Variants in ASCC3 observed in about 807,000 individuals in gnomAD.
ASCC3 encodes ASC-1 complex subunit P200.
A neutral mutation model predicts 256.3 loss-of-function variants in ASCC3; 158 were observed. The ratio of observed to expected loss-of-function variants is 0.62; its 90% CI spans 0.54 to 0.70. The LOEUF is 0.70. Ranked by LOEUF, ASCC3 falls within the 30% of genes least tolerant of loss-of-function variation. The probability of loss-of-function intolerance (pLI) is 0.00; values close to 1 mark genes in which losing one functional copy is unlikely to be tolerated. For synonymous variants in ASCC3, 948 were observed against 883.4 expected, an observed-to-expected ratio of 1.07 and a Z score of -1.30; for missense variants, 2,259 against 2,626.0, an observed-to-expected ratio of 0.86 and a Z score of 3.05.
chr6:100,805,191 A>G (rs1770111434), intron 5 of ASCC3, among the ~76,000 whole-genome samples: 1 of 152,164 alleles, frequency 6.6e-6, no homozygotes, highest in South Asian at 2.1e-4. Context: ...TTAATTAATC[A>G]TGACTATATG....
At chr6:100,878,251 A>C (rs975260960) in intron 1 of ASCC3, among the ~76,000 whole-genome samples, 1 of 152,228 alleles carries the variant, frequency 6.6e-6, no homozygotes, top group Non-Finnish European at 1.5e-5. Context: ...TACAAAATAT[A>C]TAATGGTTAA....
chr6:100,651,492 G>T, intron 19 of ASCC3, 68 bp downstream of exon 19: 6 of 872,940 alleles, frequency 6.9e-6, no homozygotes, highest in Non-Finnish European at 1.1e-5. Context: ...GTATTAATGA[G>T]AACCTTTTAT....
chr6:100,767,909 C>A (rs1056693720), intron 8 of ASCC3, among the ~76,000 whole-genome samples: 6 of 152,104 alleles, frequency 3.9e-5, no homozygotes, highest in Middle Eastern at 3.4e-3. Context: ...AGCCACCGCA[C>A]CCGGCCAGAA....
rs549219551 is a variant in ASCC3, at chr6:100,517,335, A to G, written c.5927+656T>C. Among the ~76,000 whole-genome samples the G allele has an allele frequency of 5.3e-5, 8 of 152,248 alleles. No homozygotes were observed. In the South Asian group the frequency reaches 1.5e-3, roughly 28 times the overall value. ...CGGCCAGATTGTTTTGCTTGTCTAC[A>G]TGACTGTGAACCAATATTTTGGCTG... On this transcript the variant is annotated intron_variant, in intron 38 of 41. Coordinates refer to ENST00000369162, the MANE Select transcript of ASCC3 (RefSeq NM_006828.4).
intron 1 of ASCC3, among the ~76,000 whole-genome samples, chr6:100,873,409 G>A (rs577653611): frequency 1.7e-3 from 254 of 152,228 alleles, no homozygotes; most frequent in Non-Finnish European, 2.4e-3. Flanking sequence ...AATAGTCAGC[G>A]TTCCTGAGGA....
At chr6:100,833,605 A>G (rs1771727642) in intron 4 of ASCC3, among the ~76,000 whole-genome samples, 1 of 152,192 alleles carries the variant, frequency 6.6e-6, no homozygotes, top group Non-Finnish European at 1.5e-5. Flanking sequence ...TAAATGTAAA[A>G]CTGCTCCAAA....
At chr6:100,671,295 C>T (rs1181841773) in intron 14 of ASCC3, among the ~76,000 whole-genome samples, 1 of 152,014 alleles carries the variant, frequency 6.6e-6, no homozygotes, top group African/African-American at 2.4e-5. Context: ...TCAGAAAAAT[C>T]ACTGCTTTTT....
At position 100,510,002 on chromosome 6, in the gene ASCC3, T is replaced by C. The variant is rs1352649737; in HGVS notation, c.6391A>G (p.Lys2131Glu). The change falls in exon 41 of 42, where the codon AAA (lysine) becomes GAA (glutamate). Residue 2131 changes from lysine to glutamate, a missense_variant. Lys to Glu is a moderately conservative substitution (Grantham distance 56). Around this residue, in one of 2 missense-constraint regions of ASCC3, gnomAD observed 1,839 missense variants for 2,206.7 expected, o/e 0.83. Transcript: ENST00000369162. ...TGATTTCGAATATATCCTACTCTTT[T>C]CAAAGCAATAAGTTCTCTCTTATCC... ...EVDKRELIAL[K>E]RVGYIRNHHV... The C allele has an allele frequency of 1.2e-6, 2 of 1,614,022 alleles. No individual in the cohort carries two copies. The highest frequency in any genetic ancestry group is 1.7e-6 in the Non-Finnish European group (2 of 1,179,988).
At chr6:100,813,227 G>A (rs1316491339) in intron 4 of ASCC3, among the ~76,000 whole-genome samples, 8 of 152,078 alleles carry the variant, frequency 5.3e-5, no homozygotes, top group African/African-American at 9.7e-5. Flanking sequence ...AGGCCGAAGC[G>A]GGAGGACTAC....
chr6:100,842,853 T>C (rs1297416500), intron 4 of ASCC3, among the ~76,000 whole-genome samples: 3 of 152,150 alleles, frequency 2.0e-5, no homozygotes, highest in Admixed American at 6.5e-5. Context: ...GGCATCCTTG[T>C]AGTCCTAGCT....
At chr6:100,574,451 A>AT (rs1235433046) in intron 36 of ASCC3, among the ~76,000 whole-genome samples, 3 of 151,960 alleles carry the variant, frequency 2.0e-5, no homozygotes, top group African/African-American at 7.2e-5. Flanking sequence ...TTTTTATATT[A>AT]TTTTTCCATA....
chr6:100,805,869 C>T lies in ASCC3; in HGVS notation c.813G>A (p.Leu271=). Residue 271 remains leucine (L), a synonymous_variant, in exon 5 of 42, where the codon CTG becomes CTA. Transcript: ENST00000369162. ...TAAGTTCAAGTCCTTCAGGTCCCAG[C>T]AGTTCAAATAGCTTATAAAAAGAGA... ...GDELQDELFE[L]LGPEGLELIE... 1.2e-6 allele frequency: 2 copies of T among 1,611,028 alleles called. No homozygotes were observed. Among genetic ancestry groups the T allele is most frequent in the Non-Finnish European group, 1.7e-6 (2 of 1,178,518 alleles).
At chr6:100,749,202 T>C (rs1219556835) in intron 10 of ASCC3, among the ~76,000 whole-genome samples, 1 of 152,054 alleles carries the variant, frequency 6.6e-6, no homozygotes, top group Non-Finnish European at 1.5e-5. Context: ...AAAACGTTAT[T>C]CTTAATAAGT....
At chr6:100,830,113 C>T (rs566612732) in intron 4 of ASCC3, among the ~76,000 whole-genome samples, 30 of 151,890 alleles carry the variant, frequency 2.0e-4, no homozygotes, top group East Asian at 9.8e-4. Flanking sequence ...TTAATATTTT[C>T]GGAATGTGGC....
intron 2 of ASCC3, among the ~76,000 whole-genome samples, chr6:100,864,590 A>C (rs1773393121): frequency 6.6e-6 from 1 of 152,180 alleles, no homozygotes; most frequent in Non-Finnish European, 1.5e-5. Flanking sequence ...AGCTTAGACT[A>C]TAGTGTATAT....
intron 36 of ASCC3, among the ~76,000 whole-genome samples, chr6:100,564,142 G>A (rs1770105581): frequency 6.6e-6 from 1 of 150,974 alleles, no homozygotes; most frequent in African/African-American, 2.4e-5. Flanking sequence ...ATATTCATGG[G>A]GTACATGTGT....
intron 30 of ASCC3, among the ~76,000 whole-genome samples, chr6:100,619,078 T>G (rs947527997): frequency 6.6e-6 from 1 of 152,210 alleles, no homozygotes; most frequent in African/African-American, 2.4e-5. Context: ...GGATGAGGTG[T>G]AGCCTCTGAA....
intron 14 of ASCC3, among the ~76,000 whole-genome samples, chr6:100,672,155 T>G (rs1776784947): frequency 6.6e-6 from 1 of 152,050 alleles, no homozygotes; most frequent in Non-Finnish European, 1.5e-5. Flanking sequence ...ACTCAATTTT[T>G]TCTTAGCACT....
At chr6:100,576,420 T>A (rs114602231) in intron 36 of ASCC3, among the ~76,000 whole-genome samples, 5,167 of 152,138 alleles carry the variant, frequency 0.034, 265 homozygotes, top group African/African-American at 0.12. Context: ...AAAAGTATAT[T>A]TCTTACATGT....
Sources: allele counts gnomAD v4.1 joint callset (sites outside exome capture counted in the v4.1 genomes callset), GRCh38; gene constraint gnomAD v4.1.1; regional missense constraint gnomAD v4.1.1; transcripts MANE v1.5; gene names NCBI Gene and HGNC (gene_info 2026-07-23, HGNC 2026-07-21).